The following CNTNAP4 variants were observed in gnomAD, a reference collection of about 807,000 sequenced individuals.
The protein encoded by CNTNAP4 is contactin associated protein family member 4.
A neutral mutation model predicts 148.4 loss-of-function variants in CNTNAP4; 98 were observed. The observed-to-expected ratio is 0.66, with a 90% CI of 0.56 to 0.78. The LOEUF is 0.78. Ranked by LOEUF, CNTNAP4 falls within the 30% of genes least tolerant of loss-of-function variation. The pLI is 0.00. For synonymous variants in CNTNAP4, 730 were observed against 565.1 expected (o/e 1.29, Z -4.14); for missense variants, 1,935 against 1,565.6 (o/e 1.24, Z -3.98).
chr16:76,359,500 A>T (rs187743973), intron 3 of CNTNAP4, among the ~76,000 whole-genome samples: 27 of 150,284 alleles, frequency 1.8e-4, no homozygotes, highest in Middle Eastern at 3.4e-3. Flanking sequence ...TGAAATAATT[A>T]AAAAAATGCT....
chr16:76,337,480 C>T (rs565904829), intron 2 of CNTNAP4, among the ~76,000 whole-genome samples: 58 of 152,088 alleles, frequency 3.8e-4, no homozygotes, highest in African/African-American at 1.2e-3. Context: ...GAGGGGTGTA[C>T]GAATAGGGAG....
At chr16:76,556,263 A>G (rs1221331929) in intron 23 of CNTNAP4, among the ~76,000 whole-genome samples, 3 of 152,196 alleles carry the variant, frequency 2.0e-5, no homozygotes, top group Non-Finnish European at 2.9e-5. Flanking sequence ...AGAGAAAGCT[A>G]TATATATACA....
chr16:76,427,849 T>G (rs189678851), intron 4 of CNTNAP4, among the ~76,000 whole-genome samples: 10 of 152,312 alleles, frequency 6.6e-5, no homozygotes, highest in African/African-American at 2.2e-4. Flanking sequence ...TACATGGGAA[T>G]GTATTTCTTC....
intron 1 of CNTNAP4, 139 bp downstream of exon 1, chr16:76,277,886 T>C: frequency 1.5e-6 from 1 of 652,390 alleles, no homozygotes; most frequent in Non-Finnish European, 2.7e-6. Flanking sequence ...TTAAAAATCT[T>C]GCCAATGTGA....
Position 76,367,563 on chromosome 16 carries a change from C to T in CNTNAP4, c.390+12052C>T, listed in dbSNP as rs938354469. On this transcript the variant is annotated intron_variant, in intron 3 of 23. Coordinates refer to ENST00000611870, the MANE Select transcript of CNTNAP4 (RefSeq NM_033401.5). ...AGCAGTGGTCTTTGGTTAAGACTGA[C>T]ATTCTGACTGACTGAATAGGCTTCA... Among the ~76,000 whole-genome samples the T allele has an allele frequency of 2.0e-5, 3 of 152,298 alleles. No homozygotes were observed. The South Asian group carries it at 6.2e-4, about 32-fold the overall frequency.
intron 10 of CNTNAP4, 80 bp from the exon 11 acceptor site, chr16:76,475,859 C>T: frequency 1.1e-6 from 1 of 924,314 alleles, no homozygotes; most frequent in Non-Finnish European, 1.7e-6. Context: ...ATCTGTCTTT[C>T]TCATGACCAA....
At chr16:76,323,033 G>A (rs1362407228) in intron 2 of CNTNAP4, among the ~76,000 whole-genome samples, 1 of 151,946 alleles carries the variant, frequency 6.6e-6, no homozygotes, top group Non-Finnish European at 1.5e-5. Context: ...TATTAGTAGA[G>A]ATGGGGTTTC....
At chr16:76,357,029 A>G (rs996612857) in intron 3 of CNTNAP4, among the ~76,000 whole-genome samples, 1 of 144,582 alleles carries the variant, frequency 6.9e-6, no homozygotes, top group African/African-American at 2.8e-5. Flanking sequence ...CTGTAAGAGG[A>G]AAAAAAAACA....
intron 1 of CNTNAP4, among the ~76,000 whole-genome samples, chr16:76,300,808 T>C (rs1404874516): frequency 1.3e-5 from 2 of 152,158 alleles, no homozygotes; most frequent in African/African-American, 4.8e-5. Context: ...TATTCATGTC[T>C]TCATCGATAA....
chr16:76,319,471 C>T (rs1962177416), intron 2 of CNTNAP4, among the ~76,000 whole-genome samples: 1 of 152,098 alleles, frequency 6.6e-6, no homozygotes, highest in Non-Finnish European at 1.5e-5. Context: ...AATTTTGCCA[C>T]GTATGTGCTG....
At chr16:76,488,907 C>A (rs928092192) in intron 12 of CNTNAP4, among the ~76,000 whole-genome samples, 1 of 152,078 alleles carries the variant, frequency 6.6e-6, no homozygotes, top group Non-Finnish European at 1.5e-5. Context: ...CATTCAGGCA[C>A]CAATAGTGAT....
At position 76,521,279 on chromosome 16, in the gene CNTNAP4, G is replaced by A. The variant is rs1474187471; in HGVS notation, c.2505G>A (p.Gly835=). The A allele has an allele frequency of 6.2e-7, 1 of 1,612,054 alleles. No individual in the cohort carries two copies. The highest frequency in any genetic ancestry group is 1.7e-5 in the Admixed American group (1 of 59,754). ...ASSGVFLENL[G]IADFIRIELR... is the part of the protein sequence containing the mutation. ...CTGGGGTATTTTTAGAGAACTTGGG[G>A]ATTGCTGATTTTATACGGATAGAGC... Residue 835 remains glycine, a synonymous_variant, in exon 16 of 24, where the codon GGG becomes GGA. Coordinates refer to ENST00000611870, the MANE Select transcript of CNTNAP4 (RefSeq NM_033401.5).
chr16:76,343,405 C>G (rs113989595), intron 2 of CNTNAP4, among the ~76,000 whole-genome samples: 1 of 152,172 alleles, frequency 6.6e-6, no homozygotes, highest in African/African-American at 2.4e-5. Flanking sequence ...TTCTGCCTCA[C>G]TTGTGCATCT....
At chr16:76,383,422 T>TA (rs1376948535) in intron 3 of CNTNAP4, among the ~76,000 whole-genome samples, 6 of 147,904 alleles carry the variant, frequency 4.1e-5, no homozygotes, top group African/African-American at 1.5e-4. Context: ...ACGTATCATG[T>TA]AACAACAGAG....
chr16:76,382,114 A>C (rs1477102672), intron 3 of CNTNAP4, among the ~76,000 whole-genome samples: 1 of 150,130 alleles, frequency 6.7e-6, no homozygotes, highest in Non-Finnish European at 1.5e-5. Flanking sequence ...ATGATAAACT[A>C]TAGGGGAGGG....
At chr16:76,355,242 G>A (rs1055251800) in intron 2 of CNTNAP4, 76 bp from the exon 3 acceptor site, 4 of 1,105,710 alleles carry the variant, frequency 3.6e-6, no homozygotes, top group Non-Finnish European at 5.0e-6. Context: ...CAGTCGTACT[G>A]GCATTTCTTT....
At chr16:76,330,807 T>A (rs1261868282) in intron 2 of CNTNAP4, among the ~76,000 whole-genome samples, 1 of 152,288 alleles carries the variant, frequency 6.6e-6, no homozygotes, top group East Asian at 1.9e-4. Context: ...TGAAAAACAG[T>A]AAGAAATAGA....
At chr16:76,367,992 A>G (rs928172183) in intron 3 of CNTNAP4, among the ~76,000 whole-genome samples, 1 of 152,296 alleles carries the variant, frequency 6.6e-6, no homozygotes, top group Non-Finnish European at 1.5e-5. Context: ...GACTGTCTAG[A>G]GGTGGGAGCC....
At position 76,372,089 on chromosome 16, in the gene CNTNAP4, AT is replaced by A. The variant is rs1244481087; in HGVS notation, c.390+16581del. Among the ~76,000 whole-genome samples the A allele has an allele frequency of 3.4e-5, 5 of 147,290 alleles. No individual in the cohort carries two copies. The East Asian group carries it at 8.0e-4, about 24-fold the overall frequency. ...CAATTCACCCATCTATTTTTGTTCTATTTCATTCTACTTATATGTTGGCTGA... is the reference window on the plus strand; with the variant it reads ...CAATTCACCCATCTATTTTTGTTCTATTCATTCTACTTATATGTTGGCTGA... On this transcript the variant is annotated intron_variant, in intron 3 of 23. Coordinates refer to ENST00000611870, the MANE Select transcript of CNTNAP4 (RefSeq NM_033401.5).
Sources: gnomAD v4.1 joint callset for allele counts (sites outside exome capture counted in the v4.1 genomes callset) on GRCh38, gnomAD v4.1.1 for gene constraint, MANE v1.5 for transcripts, NCBI Gene and HGNC (gene_info 2026-07-23, HGNC 2026-07-21) for gene names.